B3GALNT2: variants seen among roughly 807,000 people sequenced by gnomAD.
B3GALNT2 encodes the protein beta-1,3-N-acetylgalactosaminyltransferase 2.
In B3GALNT2, 53 loss-of-function variants were observed where a neutral mutation model predicts 61.1. The observed-to-expected ratio is 0.87, with a 90% CI of 0.70 to 1.09. The LOEUF is 1.09. Among genes scored for constraint, B3GALNT2 ranks in the 50% least tolerant of loss-of-function variants. The pLI, the probability that B3GALNT2 is intolerant of heterozygous loss-of-function variation, is 0.00. For missense variants in B3GALNT2, 544 were observed against 623.0 expected, an observed-to-expected ratio of 0.87 and a Z score of 1.35; for synonymous variants, 223 against 237.4, an observed-to-expected ratio of 0.94 and a Z score of 0.56.
chr1:235,447,505 G>GT lies in B3GALNT2; in HGVS notation c.*2700dup. 6.6e-6 allele frequency among the ~76,000 whole-genome samples: 1 copy of GT among 152,262 alleles called. No individual in the cohort carries two copies. The highest frequency in any genetic ancestry group is 6.5e-5 in the Admixed American group (1 of 15,292). ...CCATGCCTGGCAGTCACTTGTGTAT[G>GT]TTTAATACAGTTACACATGATGTAA... On this transcript the variant is annotated 3_prime_UTR_variant, in exon 12 of 12. Coordinates refer to ENST00000366600, the MANE Select transcript of B3GALNT2 (RefSeq NM_152490.5).
intron 2 of B3GALNT2, among the ~76,000 whole-genome samples, chr1:235,492,403 A>G (rs916305915): frequency 6.6e-6 from 1 of 152,240 alleles, no homozygotes; most frequent in Non-Finnish European, 1.5e-5. Context: ...ATAGCTGATC[A>G]TTCTCATAAC....
chr1:235,464,292 T>C (rs1268891477), intron 7 of B3GALNT2: 1 of 151,170 alleles, frequency 6.6e-6, no homozygotes, highest in Non-Finnish European at 1.5e-5. Flanking sequence ...GATAAGGGAC[T>C]TGTATCCAGC....
Position 235,448,506 on chromosome 1 carries a change from T to TTG in B3GALNT2, c.*1699_*1700insCA. 6.6e-7 allele frequency: 1 copy of TTG among 1,505,302 alleles called. No homozygotes were observed. Among genetic ancestry groups the TTG allele is most frequent in the Non-Finnish European group, 9.3e-7 (1 of 1,080,940 alleles). The allele number at this position is 1,505,302 out of a possible 1,614,324, so 93.2% of individuals were successfully genotyped here. Reference sequence around the variant, plus strand: ...GTCCTCGTATTATGACATTAAACTGTCTCTAGATAGCAACAGTTTGATTCT... The same window carrying TTG: ...GTCCTCGTATTATGACATTAAACTGTTGCTCTAGATAGCAACAGTTTGATTCT... On this transcript the variant is annotated 3_prime_UTR_variant, in exon 12 of 12. Coordinates refer to ENST00000366600, the MANE Select transcript of B3GALNT2 (RefSeq NM_152490.5).
chr1:235,458,557 C>T (rs758193026), intron 8 of B3GALNT2, 46 bp downstream of exon 8: 2 of 1,468,412 alleles, frequency 1.4e-6, no homozygotes, highest in South Asian at 3.1e-5. Context: ...AAAAAAAAAA[C>T]TAACAATAAA....
In B3GALNT2 at chr1:235,450,229, GAT is replaced by G. The variant is rs759968980; in HGVS notation, c.1478_1479del (p.Asp493AlafsTer12). On this transcript the variant is annotated frameshift_variant, in exon 12 of 12. Coordinates refer to ENST00000366600, the MANE Select transcript of B3GALNT2 (RefSeq NM_152490.5). LOFTEE classifies it high-confidence loss of function. ...ELWKLKERCG[D>X]PCRCQAR ...TGTTATCTTGCTTGACATCGACAAGGATCACCGCACCGTTCCTTCAGTTTCCA... is the reference window on the plus strand; with the variant it reads ...TGTTATCTTGCTTGACATCGACAAGGCACCGCACCGTTCCTTCAGTTTCCA... The G allele has an allele frequency of 3.1e-6, 5 of 1,613,946 alleles. No homozygotes were observed. The highest frequency in any genetic ancestry group is 4.2e-6 in the Non-Finnish European group (5 of 1,180,020).
intron 5 of B3GALNT2, among the ~76,000 whole-genome samples, chr1:235,477,145 T>C (rs1014285492): frequency 6.6e-6 from 1 of 152,148 alleles, no homozygotes. Flanking sequence ...AGATATACCA[T>C]CCTGAACACA....
chr1:235,470,817 T>C, intron 6 of B3GALNT2, 33 bp downstream of exon 6: 1 of 1,601,172 alleles, frequency 6.2e-7, no homozygotes, highest in Non-Finnish European at 8.5e-7. Flanking sequence ...GAAGCTAAAA[T>C]ATGCAATTAA....
At chr1:235,496,547 C>CTT (rs1396277043) in intron 1 of B3GALNT2, among the ~76,000 whole-genome samples, 2,099 of 133,360 alleles carry the variant, frequency 0.016, 20 homozygotes, top group Middle Eastern at 0.028. Flanking sequence ...GTACTTGTTT[C>CTT]TTTTTTTTTT....
At chr1:235,486,624 T>C (rs1427901824) in intron 3 of B3GALNT2, among the ~76,000 whole-genome samples, 2 of 152,236 alleles carry the variant, frequency 1.3e-5, no homozygotes, top group Non-Finnish European at 2.9e-5. Context: ...GGTTCAATAT[T>C]AACTTAGTTA....
intron 5 of B3GALNT2, among the ~76,000 whole-genome samples, chr1:235,474,977 ATATATATATATTTTTTTTTT>A (rs1684191632): frequency 1.3e-4 from 4 of 29,956 alleles, no homozygotes; most frequent in African/African-American, 8.6e-4. Context: ...ATATATATAT[ATATATATATATTTTTTTTTT>A]TTTTTTTTTT....
chr1:235,450,285 T>C lies in B3GALNT2; in HGVS notation c.1424A>G (p.Gln475Arg), dbSNP rs1682818595. 1.2e-6 allele frequency: 2 copies of C among 1,614,026 alleles called. No individual in the cohort carries two copies. Among genetic ancestry groups the C allele is most frequent in the Non-Finnish European group, 1.7e-6 (2 of 1,179,880 alleles). Residue 475 changes from glutamine (Q) to arginine (R), a missense_variant, in exon 12 of 12, where the codon CAG becomes CGG. Gln to Arg is a conservative substitution (Grantham distance 43, BLOSUM62 1). Transcript: ENST00000366600. Reference sequence around the variant, plus strand: ...TTCCGTCAGTTCCCACGGAGAATACTGAGGAGAAGACAGCATTCCTGTCTC... The same window carrying C: ...TTCCGTCAGTTCCCACGGAGAATACCGAGGAGAAGACAGCATTCCTGTCTC... ...TCETGMLSSP[Q>R]YSPWELTELW... is the part of the protein sequence containing the mutation.
At chr1:235,446,697 T>G (rs1682342150), downstream of B3GALNT2, among the ~76,000 whole-genome samples, 1 of 147,832 alleles carries the variant, frequency 6.8e-6, no homozygotes, top group African/African-American at 2.5e-5. Context: ...GTAGGCAGGT[T>G]TTTTTTTTTT....
At chr1:235,468,684 C>T (rs1407039243) in intron 6 of B3GALNT2, among the ~76,000 whole-genome samples, 2 of 151,888 alleles carry the variant, frequency 1.3e-5, no homozygotes, top group Non-Finnish European at 2.9e-5. Flanking sequence ...ATCTCTTGAC[C>T]TCGTGATCCT....
At chr1:235,440,493 A>G in the B3GALNT2 span, among the ~76,000 whole-genome samples, 3 of 151,554 alleles carry the variant, frequency 2.0e-5, no homozygotes, top group African/African-American at 7.3e-5. Flanking sequence ...CCTGGGTTCA[A>G]GTGATTCTCC....
At chr1:235,500,023 G>C (rs1432569354) in intron 1 of B3GALNT2, among the ~76,000 whole-genome samples, 1 of 152,190 alleles carries the variant, frequency 6.6e-6, no homozygotes, top group Non-Finnish European at 1.5e-5. Context: ...CAAGGCCAGA[G>C]AGAGGACAGC....
At chr1:235,499,940 A>C (rs1326674398) in intron 1 of B3GALNT2, among the ~76,000 whole-genome samples, 1 of 152,096 alleles carries the variant, frequency 6.6e-6, no homozygotes, top group African/African-American at 2.4e-5. Flanking sequence ...AGTTAGAGTA[A>C]TATGTTTAGG....
At chr1:235,502,098 C>T (rs563824289) in intron 1 of B3GALNT2, among the ~76,000 whole-genome samples, 3 of 152,252 alleles carry the variant, frequency 2.0e-5, no homozygotes, top group South Asian at 2.1e-4. Context: ...CTGCAACCTC[C>T]GCCTCCGAGG....
At chr1:235,482,543 T>C in intron 4 of B3GALNT2, among the ~76,000 whole-genome samples, 1 of 152,008 alleles carries the variant, frequency 6.6e-6, no homozygotes, top group East Asian at 1.9e-4. Context: ...AGATTTTAGC[T>C]GTTTCTCACT....
At chr1:235,496,129 T>C (rs1685306935) in intron 1 of B3GALNT2, 1 of 161,288 alleles carries the variant, frequency 6.2e-6, no homozygotes, top group Non-Finnish European at 1.4e-5. Flanking sequence ...CTGACCAACA[T>C]GGAGAAACCC....
Sources: gnomAD v4.1 joint callset for allele counts (sites outside exome capture counted in the v4.1 genomes callset) on GRCh38, gnomAD v4.1.1 for gene constraint, MANE v1.5 for transcripts, NCBI Gene and HGNC (gene_info 2026-07-23, HGNC 2026-07-21) for gene names.